Variants in GRAP2 observed in about 807,000 individuals in gnomAD.
GRAP2 encodes GRB2 related adaptor protein 2, also known as GRB2-related adapter protein 2.
Under a neutral mutation model 43.5 loss-of-function variants are expected in GRAP2, and 31 were observed. The ratio of observed to expected loss-of-function variants is 0.71; its 90% CI spans 0.54 to 0.96. The LOEUF (loss-of-function observed/expected upper bound fraction) is 0.96, where lower values mean the gene tolerates loss of function less well. Among genes scored for constraint, GRAP2 ranks in the 40% least tolerant of loss-of-function variants. The probability of loss-of-function intolerance (pLI) is 0.00; values close to 1 mark genes in which losing one functional copy is unlikely to be tolerated. For missense variants in GRAP2, 371 were observed against 424.4 expected, an observed-to-expected ratio of 0.87 and a Z score of 1.11; for synonymous variants, 156 against 164.8, an observed-to-expected ratio of 0.95 and a Z score of 0.41.
intron 1 of GRAP2, among the ~76,000 whole-genome samples, chr22:39,922,164 G>A: frequency 6.6e-6 from 1 of 152,210 alleles, no homozygotes; most frequent in South Asian, 2.1e-4. Context: ...TCAGTTGGGA[G>A]AGCTTACAGC....
rs186247423 is a variant in GRAP2 at position 39,959,033 on chromosome 22, C to A, written c.171-1022C>A. 1.9e-4 allele frequency among the ~76,000 whole-genome samples: 29 copies of A among 152,360 alleles called. 1 individual carries two copies. In the East Asian group the frequency reaches 1.9e-3, roughly 10 times the overall value. ...CTCACAAAGGAATCCAAAGCCAAGG[C>A]CTGACGGGCTTTTATCTTAAAGGAA... On this transcript the variant is annotated intron_variant, in intron 3 of 7. Coordinates refer to ENST00000344138, the MANE Select transcript of GRAP2 (RefSeq NM_004810.4).
intron 1 of GRAP2, among the ~76,000 whole-genome samples, chr22:39,924,691 G>A (rs2066682330): frequency 6.6e-6 from 1 of 151,536 alleles, no homozygotes; most frequent in South Asian, 2.1e-4. Flanking sequence ...GACAAAACGA[G>A]ACTCCGTCTC....
intron 1 of GRAP2, among the ~76,000 whole-genome samples, chr22:39,942,743 T>G (rs2066883634): frequency 6.6e-6 from 1 of 152,164 alleles, no homozygotes; most frequent in South Asian, 2.1e-4. Flanking sequence ...TGAGCTATGA[T>G]CACACCACTG....
intron 1 of GRAP2, among the ~76,000 whole-genome samples, chr22:39,923,408 C>T (rs1447148922): frequency 6.6e-6 from 1 of 152,186 alleles, no homozygotes; most frequent in African/African-American, 2.4e-5. Context: ...CAGGAGGTTT[C>T]ATTTTTCATT....
At chr22:39,932,718 A>G (rs1799938415) in intron 1 of GRAP2, among the ~76,000 whole-genome samples, 1 of 143,678 alleles carries the variant, frequency 7.0e-6, no homozygotes, top group African/African-American at 2.5e-5. Flanking sequence ...ACCTGTCTCA[A>G]AAAAAAAAAA....
chr22:39,917,439 C>T lies in GRAP2; in HGVS notation c.-15+16109C>T, dbSNP rs146295506. ...AGACACTGCACCCTGAAATTGGGAG[C>T]TTTCACTGAGTTAAAAAGGCAAATA... On this transcript the variant is annotated intron_variant, in intron 1 of 7. Coordinates refer to ENST00000344138, the MANE Select transcript of GRAP2 (RefSeq NM_004810.4). Among the ~76,000 whole-genome samples the T allele has an allele frequency of 3.0e-3, 460 of 152,294 alleles. 4 individuals are homozygous for T. The highest frequency in any genetic ancestry group is 6.8e-3 in the Middle Eastern group (2 of 294).
chr22:39,915,188 CAAAAAAA>C (rs71326789), intron 1 of GRAP2, among the ~76,000 whole-genome samples: 1 of 56,886 alleles, frequency 1.8e-5, no homozygotes, highest in Non-Finnish European at 3.4e-5. Flanking sequence ...GACTCCATCT[CAAAAAAA>C]AAAAAAAAAA....
chr22:39,905,652 G>A (rs753859788), intron 1 of GRAP2, among the ~76,000 whole-genome samples: 15 of 152,218 alleles, frequency 9.9e-5, no homozygotes, highest in Admixed American at 2.0e-4. Context: ...GTACTAACTC[G>A]TCTACTTCTT....
At chr22:39,960,201 G>C (rs1569214078) in intron 4 of GRAP2, 27 bp downstream of exon 4, 2 of 1,605,182 alleles carry the variant, frequency 1.2e-6, no homozygotes, top group Non-Finnish European at 1.7e-6. Context: ...ACACTGCCTT[G>C]GCCCTTCTCG....
intron 4 of GRAP2, among the ~76,000 whole-genome samples, chr22:39,963,388 G>A (rs1292352285): frequency 1.3e-5 from 2 of 152,126 alleles, no homozygotes. Context: ...GAGTAAAAGG[G>A]TCAATGTTTC....
intron 6 of GRAP2, 32 bp from the exon 7 acceptor site, chr22:39,969,379 G>A: frequency 1.2e-6 from 2 of 1,612,298 alleles, no homozygotes. Flanking sequence ...TCCTGGCAGT[G>A]GGGTGACCAG....
chr22:39,935,441 AAG>A (rs2066797267), intron 1 of GRAP2, among the ~76,000 whole-genome samples: 1 of 152,246 alleles, frequency 6.6e-6, no homozygotes, highest in Admixed American at 6.5e-5. Context: ...AGTAAAAAGA[AAG>A]AGAACTATTT....
intron 1 of GRAP2, among the ~76,000 whole-genome samples, chr22:39,944,121 T>C (rs944375659): frequency 6.6e-6 from 1 of 152,210 alleles, no homozygotes; most frequent in East Asian, 1.9e-4. Flanking sequence ...TCTGTCTAAA[T>C]TGTTGCTACC....
chr22:39,964,303 G>A, intron 4 of GRAP2: 1 of 674,406 alleles, frequency 1.5e-6, no homozygotes, highest in Non-Finnish European at 2.7e-6. Context: ...AGTCCAGACT[G>A]GCAACAAAAG....
intron 1 of GRAP2, among the ~76,000 whole-genome samples, chr22:39,912,915 G>A (rs1049701649): frequency 1.3e-5 from 2 of 151,954 alleles, no homozygotes; most frequent in Non-Finnish European, 2.9e-5. Flanking sequence ...CTAAAAGGCC[G>A]GTCACGGTGG....
intron 3 of GRAP2, among the ~76,000 whole-genome samples, chr22:39,959,006 T>G (rs1335806859): frequency 6.6e-6 from 1 of 152,218 alleles, no homozygotes; most frequent in East Asian, 1.9e-4. Context: ...CACAGAGAAT[T>G]GCTCACAAAG....
chr22:39,942,338 G>A (rs371004183), intron 1 of GRAP2, among the ~76,000 whole-genome samples: 161 of 152,214 alleles, frequency 1.1e-3, no homozygotes, highest in African/African-American at 3.5e-3. Context: ...CAAGGCTGTG[G>A]ATTCTGTCTC....
chr22:39,955,872 A>G lies in GRAP2; in HGVS notation c.132A>G (p.Gly44=). 6.3e-7 allele frequency: 1 copy of G among 1,588,040 alleles called. No individual in the cohort carries two copies. Among genetic ancestry groups the G allele is most frequent in the Non-Finnish European group, 8.6e-7 (1 of 1,156,328 alleles). ...AGGCGGAGCTTGGGAGCCAGGAAGG[A>G]TATGTGCCCAAGAATTTCATAGACA... ...WFKAELGSQE[G]YVPKNFIDIQ... The change falls in exon 3 of 8, where the codon GGA becomes GGG. Residue 44 remains glycine (G), a synonymous_variant. Transcript: ENST00000344138.
At chr22:39,900,804 T>C (rs1779740769), upstream of GRAP2, among the ~76,000 whole-genome samples, 2 of 152,346 alleles carry the variant, frequency 1.3e-5, no homozygotes, top group South Asian at 2.1e-4. Flanking sequence ...AGCCCTAATG[T>C]TCCTCTGGAT....
Sources: gnomAD v4.1 joint callset for allele counts (sites outside exome capture counted in the v4.1 genomes callset) on GRCh38, gnomAD v4.1.1 for gene constraint, MANE v1.5 for transcripts, NCBI Gene and HGNC (gene_info 2026-07-23, HGNC 2026-07-21) for gene names.